The following HABP2 variants were observed in gnomAD, a reference collection of about 807,000 sequenced individuals.
HABP2 encodes factor VII-activating protease.
In HABP2, 65 loss-of-function variants were observed where a neutral mutation model predicts 66.5. The observed-to-expected ratio is 0.98, with a 90% CI of 0.80 to 1.20. The LOEUF (loss-of-function observed/expected upper bound fraction) is 1.20, where lower values mean the gene tolerates loss of function less well. Ranked by LOEUF, HABP2 falls within the 50% of genes most tolerant of loss-of-function variation. The pLI is 0.00. For synonymous variants in HABP2, 263 were observed against 253.9 expected (o/e 1.04, Z -0.34); for missense variants, 786 against 691.0 (o/e 1.14, Z -1.54).
At chr10:113,572,081 A>G (rs939670769) in intron 2 of HABP2, among the ~76,000 whole-genome samples, 1 of 152,254 alleles carries the variant, frequency 6.6e-6, no homozygotes, top group African/African-American at 2.4e-5. Context: ...CACCAGCTGG[A>G]TGGCTTCTTC....
In HABP2 at chr10:113,563,557, C is replaced by T. The variant is rs930869392; in HGVS notation, c.70-3932C>T. 1.1e-4 allele frequency among the ~76,000 whole-genome samples: 15 copies of T among 135,122 alleles called. No homozygotes were observed. The Admixed American group carries it at 1.1e-3, about 10-fold the overall frequency. The allele number at this position is 135,122 out of a possible 152,430, so 88.6% of individuals were successfully genotyped here. A position where few individuals can be genotyped will look rare whatever the true frequency, so the allele number is the denominator to read the frequency against. On this transcript the variant is annotated intron_variant, in intron 1 of 12. Coordinates refer to ENST00000351270, the MANE Select transcript of HABP2 (RefSeq NM_004132.5). ...AGCTGCACATCGGCTTCAGGCTCCC[C>T]GAGAGCCCAGCCCAGGAAGTCTCGG... is the stretch of plus-strand genomic sequence containing the variant.
rs138869377 is a variant in HABP2, at chr10:113,571,871, C to A, written c.107-2418C>A. The stretch of plus-strand genomic sequence containing the variant: ...CAATGCCATCCTGAACCTGGCATAA[C>A]ACTTGGTCCATTGTAGGTTCACAAG... On this transcript the variant is annotated intron_variant, in intron 2 of 12. Coordinates refer to ENST00000351270, the MANE Select transcript of HABP2 (RefSeq NM_004132.5). Among the ~76,000 whole-genome samples, 271 of 152,336 alleles carry A rather than the reference C, an allele frequency of 1.8e-3. 1 individual carries two copies. The highest frequency in any genetic ancestry group is 0.014 in the Middle Eastern group (4 of 294).
chr10:113,574,143 C>T (rs1171749411), intron 2 of HABP2, 146 bp from the exon 3 acceptor site: 2 of 557,316 alleles, frequency 3.6e-6, no homozygotes, highest in South Asian at 2.2e-5. Flanking sequence ...CCTTTCCACT[C>T]CCCTCACTGT....
rs549159287 is a variant in HABP2 at position 113,575,076 on chromosome 10, G to A, written c.223+671G>A. On this transcript the variant is annotated intron_variant, in intron 3 of 12. Transcript: ENST00000351270. ...CAAGCAATGCCATGTGACTAAACCAGGAGAAGGAATGGAAAGCACTTAGCA... is the reference window on the plus strand; with the variant it reads ...CAAGCAATGCCATGTGACTAAACCAAGAGAAGGAATGGAAAGCACTTAGCA... Among the ~76,000 whole-genome samples, 112 of 152,190 alleles carry A rather than the reference G, an allele frequency of 7.4e-4. 1 individual carries two copies. The highest frequency in any genetic ancestry group is 2.5e-3 in the African/African-American group (105 of 41,512).
At chr10:113,568,345 A>G (rs1227500529) in intron 2 of HABP2, among the ~76,000 whole-genome samples, 2 of 152,212 alleles carry the variant, frequency 1.3e-5, no homozygotes, top group African/African-American at 4.8e-5. Context: ...ACACATGGAG[A>G]CTGTGGCCAC....
intron 1 of HABP2, among the ~76,000 whole-genome samples, chr10:113,558,549 C>A (rs1391192519): frequency 6.6e-6 from 1 of 152,216 alleles, no homozygotes; most frequent in East Asian, 1.9e-4. Flanking sequence ...GACAGTCAAC[C>A]TGAGAAAAGA....
Position 113,588,586 on chromosome 10 carries a change from A to T in HABP2, c.*217A>T, listed in dbSNP as rs1391334265. 3.7e-6 allele frequency: 2 copies of T among 545,420 alleles called. No homozygotes were observed. Among genetic ancestry groups the T allele is most frequent in the African/African-American group, 3.8e-5 (2 of 53,186 alleles). 33.8% of individuals were successfully genotyped at this position (545,420 alleles called of 1,614,324 possible). ...TCTGCCTCCCTTGGTAACCCAAGGA[A>T]TGATGGAATCAACACAACATAGTAT... On this transcript the variant is annotated 3_prime_UTR_variant, in exon 13 of 13. Coordinates refer to ENST00000351270, the MANE Select transcript of HABP2 (RefSeq NM_004132.5).
At chr10:113,565,652 A>G (rs1449179842) in intron 1 of HABP2, among the ~76,000 whole-genome samples, 2 of 152,242 alleles carry the variant, frequency 1.3e-5, no homozygotes, top group Admixed American at 6.5e-5. Flanking sequence ...AAATTTCAGC[A>G]CGAGGTTTGG....
At chr10:113,575,674 C>G (rs1040087032) in intron 3 of HABP2, among the ~76,000 whole-genome samples, 1 of 152,178 alleles carries the variant, frequency 6.6e-6, no homozygotes, top group Non-Finnish European at 1.5e-5. Flanking sequence ...GTGGTTCCTT[C>G]TCGCCTCTCC....
At chr10:113,581,420 T>C (rs551839939) in intron 8 of HABP2, among the ~76,000 whole-genome samples, 2 of 152,226 alleles carry the variant, frequency 1.3e-5, no homozygotes, top group Non-Finnish European at 2.9e-5. Context: ...TGCAAATGTC[T>C]TATCTCACCT....
intron 2 of HABP2, among the ~76,000 whole-genome samples, chr10:113,570,928 A>T (rs1845295467): frequency 1.3e-5 from 2 of 152,226 alleles, no homozygotes; most frequent in African/African-American, 4.8e-5. Context: ...AACAAATAAG[A>T]TAGACCAAAT....
At chr10:113,577,055 T>G in intron 4 of HABP2, 95 bp from the exon 5 acceptor site, 1 of 761,888 alleles carries the variant, frequency 1.3e-6, no homozygotes, top group Non-Finnish European at 2.4e-6. Context: ...CTACAGACAC[T>G]GTCAGTCACC....
At chr10:113,583,472 G>T in intron 10 of HABP2, 114 bp downstream of exon 10, 1 of 897,418 alleles carries the variant, frequency 1.1e-6, no homozygotes, top group East Asian at 2.5e-5. Flanking sequence ...TGGTCCCTGT[G>T]GACCCTGTGC....
intron 9 of HABP2, among the ~76,000 whole-genome samples, chr10:113,582,806 G>T (rs1460779013): frequency 6.6e-6 from 1 of 152,180 alleles, no homozygotes. Context: ...ACAAAGTCTG[G>T]GTTTTGGAGG....
chr10:113,571,890 T>G (rs1266508942), intron 2 of HABP2, among the ~76,000 whole-genome samples: 1 of 152,154 alleles, frequency 6.6e-6, no homozygotes, highest in Non-Finnish European at 1.5e-5. Flanking sequence ...CATTGTAGGT[T>G]CACAAGACAA....
intron 6 of HABP2, 75 bp downstream of exon 6, chr10:113,578,220 A>C: frequency 1.3e-6 from 2 of 1,512,674 alleles, no homozygotes; most frequent in South Asian, 2.3e-5. Context: ...TTGTTGCCAG[A>C]ATGTGGTTCA....
chr10:113,572,594 T>G, intron 2 of HABP2: 1 of 404,818 alleles, frequency 2.5e-6, no homozygotes, highest in Non-Finnish European at 4.9e-6. Flanking sequence ...AAATCTTTCA[T>G]GTCAAACTCA....
chr10:113,574,260 T>C (rs1294546271), intron 2 of HABP2, 29 bp from the exon 3 acceptor site: 16 of 1,112,366 alleles, frequency 1.4e-5, no homozygotes, highest in Non-Finnish European at 2.2e-5. Flanking sequence ...ATGATTAGGA[T>C]TTCTTCTGTC....
intron 7 of HABP2, among the ~76,000 whole-genome samples, chr10:113,579,333 G>A (rs1845476984): frequency 1.3e-5 from 2 of 152,160 alleles, no homozygotes; most frequent in African/African-American, 4.8e-5. Flanking sequence ...GATGGCAGGG[G>A]ATTCAGCTCC....
Sources: gnomAD v4.1 joint callset for allele counts (sites outside exome capture counted in the v4.1 genomes callset) on GRCh38, gnomAD v4.1.1 for gene constraint, MANE v1.5 for transcripts, NCBI Gene and HGNC (gene_info 2026-07-23, HGNC 2026-07-21) for gene names.